SLC38A10: variants seen among roughly 807,000 people sequenced by gnomAD.
SLC38A10 encodes the protein Sodium-coupled neutral amino acid transporter 10.
SLC38A10 carries 53 observed loss-of-function variants against 81.0 expected under a neutral mutation model. That is an observed-to-expected ratio of 0.65 (90% CI 0.53 to 0.82). The LOEUF is 0.82. SLC38A10 is among the 40% of genes least tolerant of loss of function. The pLI is 0.00. For synonymous variants in SLC38A10, 665 were observed against 655.3 expected (o/e 1.01, Z -0.23); for missense variants, 1,471 against 1,545.0 (o/e 0.95, Z 0.80).
rs567750840 is a variant in SLC38A10 at position 81,246,154 on chromosome 17, G to A, written c.2762C>T (p.Thr921Met). ...CTTGGGCTTCATGCGAGGGTCCCCC[G>A]TCTCTGCTCCTGGCCCTGCCACGAG... is the stretch of plus-strand genomic sequence containing the variant. ...NWLVAGPGAE[T>M]GDPRMKPKQV... Residue 921 changes from threonine (T) to methionine (M), a missense_variant, in exon 16 of 16, where the codon ACG (threonine) becomes ATG (methionine). This residue lies in a region of SLC38A10 where 751 missense variants were observed against 717.4 expected (regional missense o/e 1.05). Coordinates refer to ENST00000374759, the MANE Select transcript of SLC38A10 (RefSeq NM_001037984.3). The A allele has an allele frequency of 3.6e-5, 58 of 1,611,420 alleles. No individual in the cohort carries two copies. The highest frequency in any genetic ancestry group is 1.1e-4 in the East Asian group (5 of 44,874).
At chr17:81,278,085 G>T (rs552954791) in intron 6 of SLC38A10, among the ~76,000 whole-genome samples, 2 of 152,182 alleles carry the variant, frequency 1.3e-5, no homozygotes, top group African/African-American at 4.8e-5. Flanking sequence ...CCAGCACAGC[G>T]GCCAGCGGAG....
At chr17:81,279,277 T>C (rs2063187723) in intron 6 of SLC38A10, among the ~76,000 whole-genome samples, 1 of 152,190 alleles carries the variant, frequency 6.6e-6, no homozygotes, top group Admixed American at 6.5e-5. Flanking sequence ...GGTATGCATT[T>C]ACCAAAAACG....
At chr17:81,269,448 A>G (rs980874113) in intron 10 of SLC38A10, among the ~76,000 whole-genome samples, 1 of 151,762 alleles carries the variant, frequency 6.6e-6, no homozygotes, top group Admixed American at 6.6e-5. Flanking sequence ...AGGAGGCAGA[A>G]GTTGCAGTGG....
Position 81,295,115 on chromosome 17 carries a change from C to T in SLC38A10, c.-194G>A. 1 of 1,023,328 alleles carries T rather than the reference C, an allele frequency of 9.8e-7. No homozygotes were observed. Among genetic ancestry groups the T allele is most frequent in the Non-Finnish European group, 1.2e-6 (1 of 805,520 alleles). 63.4% of individuals were successfully genotyped at this position (1,023,328 alleles called of 1,614,324 possible). A position where few individuals can be genotyped will look rare whatever the true frequency, so the allele number is the denominator to read the frequency against. ...CCCAGAGGCTGCCTGGAGGAGGCAG[C>T]CTCGAAGGCCGGCTGCGGGGGCGAG... On this transcript the variant is annotated 5_prime_UTR_variant, in exon 1 of 16. Transcript: ENST00000374759.
rs768107383 is a variant in SLC38A10 at position 81,245,667 on chromosome 17, G to C, written c.3249C>G (p.Asn1083Lys). The change falls in exon 16 of 16, where the codon AAC (asparagine) becomes AAG (lysine). Residue 1083 changes from asparagine (N) to lysine (K), a missense_variant. By Grantham distance (94) the Asn-to-Lys change is moderately conservative. This residue lies in a region of SLC38A10 where 751 missense variants were observed against 717.4 expected (regional missense o/e 1.05). Coordinates refer to ENST00000374759, the MANE Select transcript of SLC38A10 (RefSeq NM_001037984.3). ...GGGCATCCAGGGCGCCACGGAGGTC[G>C]TTCACCTGGACATCAGGCAGGGGGT... ...GLNPLPDVQV[N>K]DLRGALDAQL... is the part of the protein sequence containing the mutation. 1 of 1,610,648 alleles carries C rather than the reference G, an allele frequency of 6.2e-7. No homozygotes were observed. Among genetic ancestry groups the C allele is most frequent in the East Asian group, 2.2e-5 (1 of 44,748 alleles).
At position 81,294,957 on chromosome 17, in the gene SLC38A10, G is replaced by A. The variant is rs2063337228; in HGVS notation, c.-36C>T. ...CTAGGGGCCCGGGGCGAGAGGCCTCGGGGGTCGCCGGGCTGCGGCCGGCTT... is the reference window on the plus strand; with the variant it reads ...CTAGGGGCCCGGGGCGAGAGGCCTCAGGGGTCGCCGGGCTGCGGCCGGCTT... On this transcript the variant is annotated 5_prime_UTR_variant, in exon 1 of 16. Transcript: ENST00000374759. 1 of 1,540,372 alleles carries A rather than the reference G, an allele frequency of 6.5e-7. No homozygotes were observed. Among genetic ancestry groups the A allele is most frequent in the Admixed American group, 2.1e-5 (1 of 47,410 alleles).
chr17:81,291,867 A>G (rs2063313256), intron 1 of SLC38A10, among the ~76,000 whole-genome samples: 2 of 152,150 alleles, frequency 1.3e-5, no homozygotes, highest in African/African-American at 2.4e-5. Flanking sequence ...GCACAGCAGG[A>G]CCCACCCACC....
intron 8 of SLC38A10, among the ~76,000 whole-genome samples, chr17:81,274,042 G>A (rs1352047847): frequency 6.6e-6 from 1 of 152,234 alleles, no homozygotes; most frequent in Non-Finnish European, 1.5e-5. Flanking sequence ...TACATTTAAC[G>A]CCATTGTCAA....
rs374394310 is a variant in SLC38A10 at position 81,246,601 on chromosome 17, G to A, written c.2315C>T (p.Thr772Met). ...QEAPEGKARE[T>M]VENLPPLPLD... ...AGGCAGGGGAGGCAGATTCTCCACC[G>A]TCTCCCTGGCCTTGCCTTCAGGGGC... The change falls in exon 16 of 16, where the codon ACG becomes ATG. Residue 772 changes from threonine (T) to methionine (M), a missense_variant. This residue lies in a region of SLC38A10 where 751 missense variants were observed against 717.4 expected (regional missense o/e 1.05). Transcript: ENST00000374759. The A allele has an allele frequency of 5.5e-5, 84 of 1,516,228 alleles. 1 individual carries two copies. The Middle Eastern group carries it at 1.8e-3, about 32-fold the overall frequency. The allele number at this position is 1,516,228 out of a possible 1,614,324, so 93.9% of individuals were successfully genotyped here. A position where few individuals can be genotyped will look rare whatever the true frequency, so the allele number is the denominator to read the frequency against.
chr17:81,273,829 G>A (rs1159135830), intron 8 of SLC38A10, among the ~76,000 whole-genome samples: 2 of 152,202 alleles, frequency 1.3e-5, no homozygotes, highest in Non-Finnish European at 1.5e-5. Flanking sequence ...GCAACAGGTG[G>A]AGAAGCAAGG....
In SLC38A10 at chr17:81,288,405, G is replaced by A. The variant is rs2146956533; in HGVS notation, c.217+1286C>T. On this transcript the variant is annotated intron_variant, in intron 2 of 15. Transcript: ENST00000374759. The surrounding 1 kb of genome is among the most constrained non-coding windows in gnomAD (Gnocchi z 5.4). ...GAAGGTCCAGAGCCTTCATCACAAG[G>A]CCAGAGTTTTCACCAAAACCCACAG... 6.6e-6 allele frequency among the ~76,000 whole-genome samples: 1 copy of A among 152,262 alleles called. No individual in the cohort carries two copies. Among genetic ancestry groups the A allele is most frequent in the East Asian group, 1.9e-4 (1 of 5,172 alleles).
rs576177208 is a variant in SLC38A10 at position 81,290,016 on chromosome 17, G to A, written c.100-208C>T. On this transcript the variant is annotated intron_variant, in intron 1 of 15. Transcript: ENST00000374759. ...CTTGTCCAGGGATGAAGCTGTATGC[G>A]CAGAGCACAGGGGTGCCATCTCCTT... Among the ~76,000 whole-genome samples the A allele has an allele frequency of 3.4e-4, 52 of 152,242 alleles. No homozygotes were observed. The East Asian group carries it at 8.3e-3, about 24-fold the overall frequency.
rs2146925103 is a variant in SLC38A10 at position 81,270,776 on chromosome 17, G to A, written c.1131+142C>T. 1.5e-6 allele frequency: 1 copy of A among 663,496 alleles called. No individual in the cohort carries two copies. Among genetic ancestry groups the A allele is most frequent in the Non-Finnish European group, 2.6e-6 (1 of 390,872 alleles). The allele number at this position is 663,496 out of a possible 1,614,324, so 41.1% of individuals were successfully genotyped here. A position where few individuals can be genotyped will look rare whatever the true frequency, so the allele number is the denominator to read the frequency against. ...GAACCCAGGGTTCCCCAGGCTGACT[G>A]GACCAAGTCCCTTTTGTGGGTTTTA... On this transcript the variant is annotated intron_variant, in intron 10 of 15. Coordinates refer to ENST00000374759, the MANE Select transcript of SLC38A10 (RefSeq NM_001037984.3). The surrounding 1 kb of genome is among the most constrained non-coding windows in gnomAD (Gnocchi z 4.0).
At position 81,295,136 on chromosome 17, in the gene SLC38A10, G is replaced by A; in HGVS notation, c.-215C>T. ...GCAGCCTCGAAGGCCGGCTGCGGGG[G>A]CGAGGTCAACCTCCGGACCCCGCCA... On this transcript the variant is annotated 5_prime_UTR_variant, in exon 1 of 16. Coordinates refer to ENST00000374759, the MANE Select transcript of SLC38A10 (RefSeq NM_001037984.3). 1.3e-6 allele frequency: 1 copy of A among 796,430 alleles called. No individual in the cohort carries two copies. The highest frequency in any genetic ancestry group is 1.6e-6 in the Non-Finnish European group (1 of 606,544). The allele number at this position is 796,430 out of a possible 1,614,324, so 49.3% of individuals were successfully genotyped here. A position where few individuals can be genotyped will look rare whatever the true frequency, so the allele number is the denominator to read the frequency against.
rs1221249049 is a variant in SLC38A10 at position 81,246,612 on chromosome 17, C to T, written c.2304G>A (p.Lys768=). ...GCAGATTCTCCACCGTCTCCCTGGCCTTGCCTTCAGGGGCCTCCTGGCCTC... is the reference window on the plus strand; with the variant it reads ...GCAGATTCTCCACCGTCTCCCTGGCTTTGCCTTCAGGGGCCTCCTGGCCTC... ...VPRGQEAPEG[K]ARETVENLPP... Residue 768 remains lysine, a synonymous_variant, in exon 16 of 16, where the codon AAG becomes AAA. Transcript: ENST00000374759. 6.6e-7 allele frequency: 1 copy of T among 1,516,256 alleles called. No homozygotes were observed. Among genetic ancestry groups the T allele is most frequent in the African/African-American group, 1.4e-5 (1 of 71,702 alleles). The allele number at this position is 1,516,256 out of a possible 1,614,324, so 93.9% of individuals were successfully genotyped here.
At chr17:81,269,769 G>C (rs965107502) in intron 10 of SLC38A10, among the ~76,000 whole-genome samples, 1 of 152,034 alleles carries the variant, frequency 6.6e-6, no homozygotes, top group Non-Finnish European at 1.5e-5. Context: ...TGGATCACCT[G>C]AGGTCAAGAG....
chr17:81,249,983 G>A, intron 14 of SLC38A10: 1 of 1,196,050 alleles, frequency 8.4e-7, no homozygotes, highest in Non-Finnish European at 1.1e-6. Context: ...GCTGTCCCTG[G>A]GGCAGGTGTG....
chr17:81,292,473 C>G (rs1163740887), intron 1 of SLC38A10, among the ~76,000 whole-genome samples: 2 of 151,376 alleles, frequency 1.3e-5, no homozygotes, highest in African/African-American at 4.9e-5. Context: ...AAAAAAAACA[C>G]TAATCCAAAG....
intron 10 of SLC38A10, chr17:81,264,001 G>A (rs1376203954): frequency 1.3e-5 from 2 of 152,304 alleles, no homozygotes; most frequent in African/African-American, 4.8e-5. Flanking sequence ...CAGACACCAC[G>A]GAGTGGACGC....
Sources: gnomAD v4.1 joint callset for allele counts (sites outside exome capture counted in the v4.1 genomes callset) on GRCh38, gnomAD v4.1.1 for gene constraint, gnomAD v4.1.1 regional missense constraint, Gnocchi (gnomAD v3.1) non-coding constraint, MANE v1.5 for transcripts, NCBI Gene and HGNC (gene_info 2026-07-23, HGNC 2026-07-21) for gene names.